Variants in ADARB2 observed in about 807,000 individuals in gnomAD.
ADARB2 encodes the protein inactive double-stranded RNA-specific editase B2.
ADARB2 carries 25 observed loss-of-function variants against 62.2 expected under a neutral mutation model. The observed-to-expected ratio is 0.40, with a 90% CI of 0.29 to 0.56. The LOEUF is 0.56. Ranked by LOEUF, ADARB2 falls within the 20% of genes least tolerant of loss-of-function variation. The pLI, the probability that ADARB2 is intolerant of heterozygous loss-of-function variation, is 0.43. For missense variants in ADARB2, 1,071 were observed against 1,077.4 expected (o/e 0.99, Z 0.08); for synonymous variants, 572 against 500.8 (o/e 1.14, Z -1.90).
chr10:1,610,395 T>C (rs1382126253), intron 1 of ADARB2, among the ~76,000 whole-genome samples: 1 of 152,222 alleles, frequency 6.6e-6, no homozygotes, highest in Non-Finnish European at 1.5e-5. Context: ...CCACACTCAG[T>C]GATGAACATT....
chr10:1,604,351 T>A (rs375170354), intron 1 of ADARB2, among the ~76,000 whole-genome samples: 48 of 152,300 alleles, frequency 3.2e-4, no homozygotes, highest in African/African-American at 1.1e-3. Flanking sequence ...CGACCCGACG[T>A]TGACTGTTTC....
intron 1 of ADARB2, among the ~76,000 whole-genome samples, chr10:1,500,941 C>G (rs1831761502): frequency 6.6e-6 from 1 of 152,218 alleles, no homozygotes; most frequent in African/African-American, 2.4e-5. Flanking sequence ...GAAGCCCAAT[C>G]TGTGCTCACT....
chr10:1,384,583 G>A (rs538842223), intron 1 of ADARB2, among the ~76,000 whole-genome samples: 40 of 152,326 alleles, frequency 2.6e-4, no homozygotes, highest in Middle Eastern at 3.4e-3. Flanking sequence ...GAGTTTGGAT[G>A]CCAGGCAGTG....
chr10:1,200,337 A>C, intron 7 of ADARB2, 190 bp from the exon 8 acceptor site: 5 of 723,580 alleles, frequency 6.9e-6, no homozygotes, highest in South Asian at 1.5e-5. Context: ...GTTGCCTGGG[A>C]CTGGGCTCCA....
intron 3 of ADARB2, among the ~76,000 whole-genome samples, chr10:1,348,928 G>A (rs12769292): frequency 3.3e-5 from 5 of 152,200 alleles, no homozygotes; most frequent in South Asian, 2.1e-4. Context: ...CTGCGAGAAC[G>A]ATGGAAAGAG....
chr10:1,378,584 A>G (rs1832454898), intron 2 of ADARB2, among the ~76,000 whole-genome samples: 1 of 152,122 alleles, frequency 6.6e-6, no homozygotes, highest in South Asian at 2.1e-4. Flanking sequence ...ATTCCAGGTT[A>G]GGATGGAACT....
intron 1 of ADARB2, among the ~76,000 whole-genome samples, chr10:1,671,524 C>T (rs970566841): frequency 6.6e-6 from 1 of 152,160 alleles, no homozygotes. Context: ...GCTCAGGGCA[C>T]GTGGAAGGAG....
chr10:1,729,461 G>A (rs1303345367), intron 1 of ADARB2, among the ~76,000 whole-genome samples: 1 of 152,198 alleles, frequency 6.6e-6, no homozygotes, highest in Non-Finnish European at 1.5e-5. Context: ...AGGGATGAGT[G>A]AACCCAGCCA....
At chr10:1,210,114 T>A (rs1023207112) in intron 7 of ADARB2, among the ~76,000 whole-genome samples, 6 of 152,188 alleles carry the variant, frequency 3.9e-5, no homozygotes, top group African/African-American at 1.4e-4. Flanking sequence ...GATCTGTAGG[T>A]GGGAAGTAAT....
chr10:1,735,416 T>C (rs1003950472), intron 1 of ADARB2, among the ~76,000 whole-genome samples: 2 of 152,242 alleles, frequency 1.3e-5, no homozygotes, highest in Non-Finnish European at 2.9e-5. Context: ...TCCTCCTGTT[T>C]ATATTTATAA....
At chr10:1,367,094 A>G (rs1187511314) in intron 2 of ADARB2, among the ~76,000 whole-genome samples, 2 of 82,566 alleles carry the variant, frequency 2.4e-5, no homozygotes, top group African/African-American at 3.5e-5. Flanking sequence ...TAATAAAAAC[A>G]TACATTTCAT....
At chr10:1,227,234 C>T (rs2131764076) in intron 6 of ADARB2, among the ~76,000 whole-genome samples, 1 of 152,324 alleles carries the variant, frequency 6.6e-6, no homozygotes, top group South Asian at 2.1e-4. Flanking sequence ...TCCTGGTATG[C>T]CATTTTTTAA....
In ADARB2 at chr10:1,255,142, T is replaced by A. The variant is rs1831069056; in HGVS notation, c.1193-12843A>T. Among the ~76,000 whole-genome samples, 1 of 152,266 alleles carries A rather than the reference T, an allele frequency of 6.6e-6. No homozygotes were observed. Among genetic ancestry groups the A allele is most frequent in the Admixed American group, 6.5e-5 (1 of 15,290 alleles). ...GAGGGAGCAAGCGGGGCCAATGCTC[T>A]GAGCTCCTCATGGGGCCAAAACATG... On this transcript the variant is annotated intron_variant, in intron 4 of 9. Coordinates refer to ENST00000381312, the MANE Select transcript of ADARB2 (RefSeq NM_018702.4). This position sits in a 1 kb window ranked among gnomAD's most constrained non-coding sequence, Gnocchi z 4.7.
At chr10:1,505,037 A>G (rs1295260719) in intron 1 of ADARB2, among the ~76,000 whole-genome samples, 3 of 151,958 alleles carry the variant, frequency 2.0e-5, no homozygotes, top group African/African-American at 4.8e-5. Context: ...ACAGCCACAC[A>G]TGCACGACAC....
At chr10:1,496,180 C>T (rs1831688361) in intron 1 of ADARB2, among the ~76,000 whole-genome samples, 1 of 151,906 alleles carries the variant, frequency 6.6e-6, no homozygotes, top group South Asian at 2.1e-4. Context: ...CCATCATCAT[C>T]ATAGTCATCA....
intron 1 of ADARB2, among the ~76,000 whole-genome samples, chr10:1,594,509 G>C (rs1387741849): frequency 6.6e-6 from 1 of 152,090 alleles, no homozygotes; most frequent in Non-Finnish European, 1.5e-5. Context: ...TGGCGTGGGT[G>C]TTTGCCGTGA....
intron 1 of ADARB2, among the ~76,000 whole-genome samples, chr10:1,562,452 GCTC>G (rs5782584): frequency 0.32 from 49,254 of 151,966 alleles, 8,587 homozygotes; most frequent in East Asian, 0.6. Flanking sequence ...TTCTGAACCT[GCTC>G]CTCAAGTGTC....
At chr10:1,215,775 T>A (rs533744660) in intron 7 of ADARB2, 1 of 152,364 alleles carries the variant, frequency 6.6e-6, no homozygotes, top group East Asian at 1.9e-4. Context: ...TTAGGGAAAC[T>A]CATGCTGTCC....
intron 1 of ADARB2, among the ~76,000 whole-genome samples, chr10:1,406,684 C>T (rs1009851732): frequency 1.3e-5 from 2 of 152,192 alleles, no homozygotes; most frequent in Non-Finnish European, 2.9e-5. Context: ...GCGGGGGAGC[C>T]CTGGCACCCC....
Sources: gnomAD v4.1 joint callset for allele counts (sites outside exome capture counted in the v4.1 genomes callset) on GRCh38, gnomAD v4.1.1 for gene constraint, Gnocchi (gnomAD v3.1) non-coding constraint, MANE v1.5 for transcripts, NCBI Gene and HGNC (gene_info 2026-07-23, HGNC 2026-07-21) for gene names.